The following FBXL22 variants were observed in gnomAD, a reference collection of about 807,000 sequenced individuals.
The protein encoded by FBXL22 is F-box and leucine rich repeat protein 22, also known as F-box and leucine-rich protein 22.
A neutral mutation model predicts 11.7 loss-of-function variants in FBXL22; 13 were observed. The observed-to-expected ratio is 1.11, with a 90% CI of 0.73 to 1.77. The LOEUF is 1.77. Ranked by LOEUF, FBXL22 falls within the 40% of genes most tolerant of loss-of-function variation. The pLI, the probability that FBXL22 is intolerant of heterozygous loss-of-function variation, is 0.00. For synonymous variants in FBXL22, 160 were observed against 144.1 expected, an observed-to-expected ratio of 1.11 and a Z score of -0.79; for missense variants, 406 against 320.4, an observed-to-expected ratio of 1.27 and a Z score of -2.04.
Position 63,601,194 on chromosome 15 carries a change from A to G in FBXL22, c.*155A>G. 6.8e-7 allele frequency: 1 copy of G among 1,478,230 alleles called. No individual in the cohort carries two copies. The highest frequency in any genetic ancestry group is 8.9e-7 in the Non-Finnish European group (1 of 1,122,350). The allele number at this position is 1,478,230 out of a possible 1,614,324, so 91.6% of individuals were successfully genotyped here. On this transcript the variant is annotated 3_prime_UTR_variant, in exon 2 of 2. Coordinates refer to ENST00000638704, the MANE Select transcript of FBXL22 (RefSeq NM_001367807.1). Reference sequence around the variant, plus strand: ...ATAAGAAAGCCTACCTCACGTTACGATTTTATACATAGGATAAACGCAAGA... The same window carrying G: ...ATAAGAAAGCCTACCTCACGTTACGGTTTTATACATAGGATAAACGCAAGA...
intron 1 of FBXL22, 96 bp from the exon 2 acceptor site, chr15:63,600,601 G>C: frequency 3.3e-6 from 4 of 1,230,080 alleles, no homozygotes; most frequent in Non-Finnish European, 4.1e-6. Flanking sequence ...CGCAGGGCCC[G>C]AGTCCTCCTC....
At chr15:63,602,827 G>A (rs2067391215), downstream of FBXL22, among the ~76,000 whole-genome samples, 1 of 152,150 alleles carries the variant, frequency 6.6e-6, no homozygotes, top group South Asian at 2.1e-4. Flanking sequence ...TGGCTCATGT[G>A]CAAGGAGATC....
chr15:63,597,958 A>T lies in FBXL22; in HGVS notation c.353+213A>T, dbSNP rs932246174. 6.6e-6 allele frequency among the ~76,000 whole-genome samples: 1 copy of T among 152,216 alleles called. No individual in the cohort carries two copies. The highest frequency in any genetic ancestry group is 1.5e-5 in the Non-Finnish European group (1 of 68,020). ...AATTGCTAATCCTCCTCTTAGCCTCACAGGTCCTGGGCTGCTTCATGCAAA... is the reference window on the plus strand; with the variant it reads ...AATTGCTAATCCTCCTCTTAGCCTCTCAGGTCCTGGGCTGCTTCATGCAAA... On this transcript the variant is annotated intron_variant, in intron 1 of 1. Coordinates refer to ENST00000638704, the MANE Select transcript of FBXL22 (RefSeq NM_001367807.1). This position sits in a 1 kb window ranked among gnomAD's most constrained non-coding sequence, Gnocchi z 4.3.
chr15:63,607,272 C>A (rs1158576798), downstream of FBXL22, among the ~76,000 whole-genome samples: 8 of 152,280 alleles, frequency 5.3e-5, no homozygotes, highest in Middle Eastern at 3.4e-3. Context: ...GTCTCGATCT[C>A]CTGACCTTGT....
chr15:63,602,584 TCAAA>T (rs1566930929), downstream of FBXL22, among the ~76,000 whole-genome samples: 1 of 45,786 alleles, frequency 2.2e-5, no homozygotes, highest in Non-Finnish European at 4.1e-5. Flanking sequence ...GACTCTTGTC[TCAAA>T]AAAAAAAAAA....
chr15:63,600,960 A>C lies in FBXL22; in HGVS notation c.617A>C (p.His206Pro). 8.4e-7 allele frequency: 1 copy of C among 1,195,344 alleles called. No individual in the cohort carries two copies. Among genetic ancestry groups the C allele is most frequent in the East Asian group, 3.5e-5 (1 of 28,604 alleles). The allele number at this position is 1,195,344 out of a possible 1,614,324, so 74.0% of individuals were successfully genotyped here. ...CCGCGCCTGGCCCTGCGGGCAGAGC[A>C]CAGCGCCGCCATGCTGCCCGACCAG... ...ACPRLALRAE[H>P]SAAMLPDQPP... Residue 206 changes from histidine to proline, a missense_variant, in exon 2 of 2, where the codon CAC (histidine) becomes CCC (proline). His to Pro is a moderately conservative substitution (Grantham distance 77). Transcript: ENST00000638704.
At chr15:63,599,899 T>C in intron 1 of FBXL22, 1 of 985,428 alleles carries the variant, frequency 1.0e-6, no homozygotes, top group Non-Finnish European at 1.2e-6. Flanking sequence ...TAGACATTAT[T>C]CCCCCCACGC....
At chr15:63,607,976 G>A in the FBXL22 span, among the ~76,000 whole-genome samples, 11 of 152,206 alleles carry the variant, frequency 7.2e-5, no homozygotes, top group East Asian at 2.1e-3. Flanking sequence ...TGAGCACCAA[G>A]AATGTAACCC....
chr15:63,598,191 G>A (rs577770032), intron 1 of FBXL22, among the ~76,000 whole-genome samples: 3 of 152,256 alleles, frequency 2.0e-5, no homozygotes, highest in Admixed American at 2.0e-4. Context: ...AAGCCAGGGT[G>A]CTCAGGTCAG....
At chr15:63,600,542 A>G (rs1335708697) in intron 1 of FBXL22, 155 bp from the exon 2 acceptor site, 1 of 1,229,384 alleles carries the variant, frequency 8.1e-7, no homozygotes, top group Non-Finnish European at 1.0e-6. Context: ...GCCGGCCAGA[A>G]AGCCGACTTG....
At chr15:63,598,595 T>C (rs1355924129) in intron 1 of FBXL22, among the ~76,000 whole-genome samples, 4 of 152,062 alleles carry the variant, frequency 2.6e-5, no homozygotes, top group Non-Finnish European at 4.4e-5. Flanking sequence ...CGTGCTGCCT[T>C]TGAGGAAAAA....
chr15:63,600,235 A>G (rs2067345452), intron 1 of FBXL22: 4 of 988,982 alleles, frequency 4.0e-6, no homozygotes, highest in Non-Finnish European at 4.8e-6. Context: ...GCCACCTCCA[A>G]GGAAACAAAT....
intron 1 of FBXL22, chr15:63,599,088 TAC>T (rs980889242): frequency 1.2e-5 from 12 of 1,026,242 alleles, no homozygotes; most frequent in Middle Eastern, 4.0e-4. Context: ...CCAGCTCAAA[TAC>T]TTCAAACTCT....
downstream of FBXL22, chr15:63,601,345 TCGGGGACTC>T (rs1216063483): frequency 2.9e-5 from 46 of 1,603,654 alleles, no homozygotes; most frequent in Non-Finnish European, 3.9e-5. Flanking sequence ...TGCACCGTCC[TCGGGGACTC>T]CGATCGCCGT....
Position 63,597,665 on chromosome 15 carries a change from G to A in FBXL22, c.273G>A (p.Trp91Ter), listed in dbSNP as rs371972813. The change falls in exon 1 of 2, where the codon TGG (tryptophan) becomes TGA (stop). Residue 91 changes from tryptophan to a stop codon, truncating the protein, a stop_gained. Transcript: ENST00000638704. LOFTEE classifies it high-confidence loss of function. This position sits in a 1 kb window ranked among gnomAD's most constrained non-coding sequence, Gnocchi z 4.3. ...TGCAGGTGTGCAGCATTGAGGACTG[G>A]CTCAAGAGTGCCTTCCAGAGAAGCA... ...SRVQVCSIEDWLKSAFQRSIC... is the reference protein window; with the variant it reads ...SRVQVCSIED 4.4e-6 allele frequency: 7 copies of A among 1,605,750 alleles called. No homozygotes were observed. The highest frequency in any genetic ancestry group is 6.0e-6 in the Non-Finnish European group (7 of 1,174,240).
At chr15:63,601,618 C>T (rs1410193247), downstream of FBXL22, 4 of 1,600,620 alleles carry the variant, frequency 2.5e-6, no homozygotes, top group African/African-American at 4.0e-5. Flanking sequence ...AGCCGCTCCT[C>T]CTTGCGGTTT....
At chr15:63,604,618 A>G (rs1331433960), downstream of FBXL22, among the ~76,000 whole-genome samples, 1 of 152,210 alleles carries the variant, frequency 6.6e-6, no homozygotes, top group African/African-American at 2.4e-5. Context: ...GGCATGAGCA[A>G]AACACTTAAC....
chr15:63,600,772 C>G lies in FBXL22; in HGVS notation c.429C>G (p.Arg143=), dbSNP rs1019142608. ...VTDDCLARLL[R]CCPRLRALRL... is the part of the protein sequence containing the mutation. ...ACGACTGCCTGGCGCGCCTGCTGCG[C>G]TGCTGCCCACGCCTGCGCGCACTGC... Residue 143 remains arginine (R), a synonymous_variant, in exon 2 of 2, where the codon CGC becomes CGG. Coordinates refer to ENST00000638704, the MANE Select transcript of FBXL22 (RefSeq NM_001367807.1). 1 of 1,231,262 alleles carries G rather than the reference C, an allele frequency of 8.1e-7. No homozygotes were observed. The highest frequency in any genetic ancestry group is 1.0e-6 in the Non-Finnish European group (1 of 987,702). 76.3% of individuals were successfully genotyped at this position (1,231,262 alleles called of 1,614,324 possible).
At chr15:63,599,111 TTTC>T (rs775914200) in intron 1 of FBXL22, 24 of 1,229,530 alleles carry the variant, frequency 2.0e-5, no homozygotes, top group South Asian at 1.3e-4. Context: ...TGCAACCTCA[TTTC>T]TTCTTCTATA....
Sources: allele counts gnomAD v4.1 joint callset (sites outside exome capture counted in the v4.1 genomes callset), GRCh38; gene constraint gnomAD v4.1.1; non-coding constraint Gnocchi (gnomAD v3.1); transcripts MANE v1.5; gene names NCBI Gene and HGNC (gene_info 2026-07-23, HGNC 2026-07-21).